PDE4D: variants seen among roughly 807,000 people sequenced by gnomAD.
PDE4D encodes the protein phosphodiesterase 4D, also known as 3',5'-cyclic-AMP phosphodiesterase 4D.
In PDE4D, 24 loss-of-function variants were observed where a neutral mutation model predicts 87.4. The observed-to-expected ratio is 0.27, with a 90% CI of 0.20 to 0.39. The LOEUF is 0.39. PDE4D is among the 10% of genes least tolerant of loss of function. The probability of loss-of-function intolerance (pLI) is 1.00; values close to 1 mark genes in which losing one functional copy is unlikely to be tolerated. For synonymous variants in PDE4D, 384 were observed against 383.2 expected (o/e 1.00, Z -0.02); for missense variants, 714 against 1,041.0 (o/e 0.69, Z 4.32).
chr5:60,216,709 AC>A (rs1251759978), intron 1 of PDE4D, among the ~76,000 whole-genome samples: 2 of 152,146 alleles, frequency 1.3e-5, no homozygotes, highest in Non-Finnish European at 2.9e-5. Flanking sequence ...AAGACATATT[AC>A]ATATTAGTAA....
At chr5:59,645,549 T>C (rs1742304672) in intron 1 of PDE4D, among the ~76,000 whole-genome samples, 1 of 152,206 alleles carries the variant, frequency 6.6e-6, no homozygotes, top group Non-Finnish European at 1.5e-5. Flanking sequence ...TCTCAGTCTC[T>C]TCCCTGTACC....
chr5:59,718,817 A>G (rs1374393358), intron 1 of PDE4D, among the ~76,000 whole-genome samples: 1 of 152,118 alleles, frequency 6.6e-6, no homozygotes, highest in Non-Finnish European at 1.5e-5. Flanking sequence ...AGAAAGATTG[A>G]AAATGTCTTT....
chr5:59,675,884 G>A (rs931383110), intron 1 of PDE4D, among the ~76,000 whole-genome samples: 11 of 151,950 alleles, frequency 7.2e-5, no homozygotes, highest in African/African-American at 2.7e-4. Flanking sequence ...TAGAGACAGG[G>A]TCTCACTATG....
chr5:60,260,860 G>T (rs1338742922), intron 1 of PDE4D, among the ~76,000 whole-genome samples: 1 of 152,040 alleles, frequency 6.6e-6, no homozygotes, highest in African/African-American at 2.4e-5. Context: ...TACTGGGAAA[G>T]GTATAAGAAT....
At chr5:59,526,756 T>C (rs1813213735) in intron 1 of PDE4D, among the ~76,000 whole-genome samples, 1 of 152,154 alleles carries the variant, frequency 6.6e-6, no homozygotes, top group African/African-American at 2.4e-5. Flanking sequence ...CCCTAGTAGC[T>C]AGGACTACAT....
intron 5 of PDE4D, among the ~76,000 whole-genome samples, chr5:59,127,561 T>C (rs1186952339): frequency 6.6e-6 from 1 of 151,048 alleles, no homozygotes; most frequent in Non-Finnish European, 1.5e-5. Flanking sequence ...GAAAGAAGAG[T>C]TCAGCTGGAG....
chr5:60,105,534 A>C (rs1776792625), intron 2 of PDE4D, among the ~76,000 whole-genome samples: 1 of 152,144 alleles, frequency 6.6e-6, no homozygotes. Flanking sequence ...ACTCCTCAAG[A>C]AGCACACCTC....
At chr5:59,906,898 T>G (rs1221227389) in intron 3 of PDE4D, among the ~76,000 whole-genome samples, 1 of 152,138 alleles carries the variant, frequency 6.6e-6, no homozygotes, top group Non-Finnish European at 1.5e-5. Flanking sequence ...CAAAGGAATA[T>G]AAATTGTTCT....
intron 1 of PDE4D, chr5:59,768,194 GACTCCCT>G: frequency 3.2e-6 from 5 of 1,584,062 alleles, no homozygotes; most frequent in Non-Finnish European, 4.3e-6. Context: ...GCGAGAGCAG[GACTCCCT>G]GAAGGGAAAC....
chr5:60,408,283 T>C (rs1040656071), intron 1 of PDE4D, among the ~76,000 whole-genome samples: 3 of 152,226 alleles, frequency 2.0e-5, no homozygotes, highest in African/African-American at 7.2e-5. Flanking sequence ...AGATAATTTG[T>C]TACACAGCAG....
Position 59,928,044 on chromosome 5 carries a change from C to T in PDE4D, c.272+60444G>A, listed in dbSNP as rs79552198. 5.2e-3 allele frequency among the ~76,000 whole-genome samples: 790 copies of T among 152,262 alleles called. 25 individuals carry two copies. The East Asian group carries it at 0.055, about 11-fold the overall frequency. On this transcript the variant is annotated intron_variant, in intron 3 of 16. Coordinates refer to the PDE4D transcript ENST00000502484. ...AATCAGGGACAAAGCTCTCAAGCTG[C>T]GTGGTGTGAGCAGTGCATAGTGAAT... is the stretch of plus-strand genomic sequence containing the variant.
intron 2 of PDE4D, among the ~76,000 whole-genome samples, chr5:60,108,388 T>C (rs1166981400): frequency 6.6e-6 from 1 of 152,176 alleles, no homozygotes; most frequent in African/African-American, 2.4e-5. Context: ...GAACATTCCA[T>C]GTTCATGGGT....
intron 1 of PDE4D, among the ~76,000 whole-genome samples, chr5:59,725,654 T>C (rs1257050785): frequency 1.3e-5 from 2 of 152,142 alleles, no homozygotes; most frequent in Non-Finnish European, 2.9e-5. Flanking sequence ...GTAAACCTAA[T>C]TTGAAATGTT....
At chr5:59,518,664 G>C (rs1811621806) in intron 1 of PDE4D, among the ~76,000 whole-genome samples, 1 of 152,148 alleles carries the variant, frequency 6.6e-6, no homozygotes, top group East Asian at 1.9e-4. Context: ...CATGGCTGAA[G>C]GGGTCACTTA....
At chr5:59,884,330 T>C (rs950447689) in intron 1 of PDE4D, among the ~76,000 whole-genome samples, 2 of 151,786 alleles carry the variant, frequency 1.3e-5, no homozygotes, top group Non-Finnish European at 2.9e-5. Flanking sequence ...TACACCTACA[T>C]ACATAACTAT....
chr5:60,506,229 A>T (rs1177441994), intron 1 of PDE4D, among the ~76,000 whole-genome samples: 1 of 152,212 alleles, frequency 6.6e-6, no homozygotes, highest in Non-Finnish European at 1.5e-5. Flanking sequence ...GTGCACACCA[A>T]CTTGCACATG....
chr5:59,851,796 T>C (rs1005340690), intron 1 of PDE4D, among the ~76,000 whole-genome samples: 1 of 151,930 alleles, frequency 6.6e-6, no homozygotes, highest in East Asian at 1.9e-4. Context: ...GAATGGCAGG[T>C]GGTCTCTAGG....
At chr5:59,410,895 T>C (rs1048372284) in intron 1 of PDE4D, among the ~76,000 whole-genome samples, 5 of 152,192 alleles carry the variant, frequency 3.3e-5, no homozygotes, top group African/African-American at 1.2e-4. Context: ...ACTGACAGAG[T>C]TCTTATTCCC....
chr5:59,843,013 T>A (rs1163304454), intron 1 of PDE4D, among the ~76,000 whole-genome samples: 1 of 152,020 alleles, frequency 6.6e-6, no homozygotes, highest in African/African-American at 2.4e-5. Flanking sequence ...AAATATTTTT[T>A]AAATGATTTC....
Sources: allele counts gnomAD v4.1 joint callset (sites outside exome capture counted in the v4.1 genomes callset), GRCh38; gene constraint gnomAD v4.1.1; transcripts MANE v1.5; gene names NCBI Gene and HGNC (gene_info 2026-07-23, HGNC 2026-07-21).